BSN: variants seen among roughly 807,000 people sequenced by gnomAD.
BSN encodes the protein bassoon presynaptic cytomatrix protein.
BSN carries 57 observed loss-of-function variants against 264.8 expected under a neutral mutation model. That is an observed-to-expected ratio of 0.22 (90% CI 0.17 to 0.27). The LOEUF (loss-of-function observed/expected upper bound fraction) is 0.27, where lower values mean the gene tolerates loss of function less well. BSN is among the 10% of genes least tolerant of loss of function. The probability of loss-of-function intolerance (pLI) is 1.00; values close to 1 mark genes in which losing one functional copy is unlikely to be tolerated. For synonymous variants in BSN, 2,059 were observed against 2,137.3 expected (o/e 0.96, Z 1.01); for missense variants, 4,615 against 5,232.5 (o/e 0.88, Z 3.64).
downstream of BSN, among the ~76,000 whole-genome samples, chr3:49,672,083 T>A (rs2052784448): frequency 6.8e-6 from 1 of 147,520 alleles, no homozygotes; most frequent in African/African-American, 2.5e-5. Context: ...GCTTCACCTC[T>A]GGCCCTCTCC....
chr3:49,651,591 A>G lies in BSN; in HGVS notation c.2035A>G (p.Ser679Gly). The part of the protein sequence containing the change: ...YSQDASRSPQ[S>G]LSDTGYSSDG... ...TCAGGATGCGTCTCGGAGCCCACAG[A>G]GCCTCAGTGACACAGGCTATTCCTC... The change falls in exon 5 of 12, where the codon AGC (serine) becomes GGC (glycine). Residue 679 changes from serine (S) to glycine (G), a missense_variant. Around this residue, in one of 3 missense-constraint regions of BSN, gnomAD observed 1,197 missense variants for 1,348.0 expected, o/e 0.89. Coordinates refer to ENST00000296452, the MANE Select transcript of BSN (RefSeq NM_003458.4). This position sits in a 1 kb window ranked among gnomAD's most constrained non-coding sequence, Gnocchi z 5.4. 1.2e-6 allele frequency: 2 copies of G among 1,610,394 alleles called. No homozygotes were observed. The highest frequency in any genetic ancestry group is 8.5e-7 in the Non-Finnish European group (1 of 1,177,756).
intron 1 of BSN, among the ~76,000 whole-genome samples, chr3:49,572,741 G>T (rs372160606): frequency 2.6e-5 from 4 of 152,302 alleles, no homozygotes; most frequent in South Asian, 4.1e-4. Flanking sequence ...CACCATGTTA[G>T]CCAGGATGGT....
Position 49,650,929 on chromosome 3 carries a change from C to T in BSN, c.1836C>T (p.Val612=), listed in dbSNP as rs1268055580. The stretch of plus-strand genomic sequence containing the variant: ...GTGTCCAGGAAAAGAAGACCCGAGT[C>T]CCCACTAAAGCTGAGCCCATGCCGA... ...PSSVQEKKTR[V]PTKAEPMPKP... The change falls in exon 4 of 12, where the codon GTC becomes GTT. Residue 612 remains valine (V), a synonymous_variant. Coordinates refer to ENST00000296452, the MANE Select transcript of BSN (RefSeq NM_003458.4). 1 of 1,614,206 alleles carries T rather than the reference C, an allele frequency of 6.2e-7. No individual in the cohort carries two copies. The highest frequency in any genetic ancestry group is 1.1e-5 in the South Asian group (1 of 91,084).
chr3:49,664,346 C>T (rs2052692744), intron 8 of BSN, 77 bp from the exon 9 acceptor site: 2 of 1,590,614 alleles, frequency 1.3e-6, no homozygotes, highest in Non-Finnish European at 1.7e-6. Context: ...TTCAGATTCT[C>T]TCGTGGGTAC....
intron 1 of BSN, among the ~76,000 whole-genome samples, chr3:49,617,518 A>G (rs1253597596): frequency 6.6e-6 from 1 of 151,772 alleles, no homozygotes; most frequent in Non-Finnish European, 1.5e-5. Context: ...AGTGGCCTCA[A>G]GGGGCCTCTC....
downstream of BSN, among the ~76,000 whole-genome samples, chr3:49,673,063 G>A (rs1338544918): frequency 7.1e-6 from 1 of 141,474 alleles, no homozygotes; most frequent in Non-Finnish European, 1.5e-5. Flanking sequence ...ACAGGCGTGA[G>A]CCACCGCGCC....
chr3:49,649,185 AG>A (rs768140965), intron 3 of BSN, among the ~76,000 whole-genome samples: 2 of 152,234 alleles, frequency 1.3e-5, no homozygotes, highest in Non-Finnish European at 2.9e-5. Flanking sequence ...AGGCTGCCAG[AG>A]GCAGCATGTG....
chr3:49,634,955 C>G (rs2052410047), intron 2 of BSN, among the ~76,000 whole-genome samples: 1 of 152,164 alleles, frequency 6.6e-6, no homozygotes, highest in Non-Finnish European at 1.5e-5. Context: ...CGGGTGGGCT[C>G]TGGGAGCCAG....
In BSN at chr3:49,663,821, C is replaced by T. The variant is rs1350460192; in HGVS notation, c.11543C>T (p.Thr3848Ile). ...GAACAGACAAATGGCTCTAAAGGGA[C>T]AGCCAAAGCACCGCAACAGGGGAGG... ...RAEQTNGSKG[T>I]AKAPQQGRAP... The change falls in exon 8 of 12, where the codon ACA becomes ATA. Residue 3848 changes from threonine (T) to isoleucine (I), a missense_variant. By Grantham distance (89) the Thr-to-Ile change is moderately conservative. Around this residue, in one of 3 missense-constraint regions of BSN, gnomAD observed 3,415 missense variants for 3,866.4 expected, o/e 0.88. Coordinates refer to ENST00000296452, the MANE Select transcript of BSN (RefSeq NM_003458.4). 6.2e-7 allele frequency: 1 copy of T among 1,614,148 alleles called. No homozygotes were observed. Among genetic ancestry groups the T allele is most frequent in the Non-Finnish European group, 8.5e-7 (1 of 1,180,032 alleles).
At chr3:49,619,703 G>T (rs942371461) in intron 1 of BSN, among the ~76,000 whole-genome samples, 1 of 152,174 alleles carries the variant, frequency 6.6e-6, no homozygotes, top group East Asian at 1.9e-4. Flanking sequence ...ACGGCTGGGG[G>T]TGTAGCCAAC....
chr3:49,641,017 G>C (rs2052458751), intron 2 of BSN, among the ~76,000 whole-genome samples: 1 of 151,924 alleles, frequency 6.6e-6, no homozygotes, highest in East Asian at 1.9e-4. Flanking sequence ...AAAGAGACCA[G>C]AGAGAGGGGG....
At chr3:49,643,870 G>A (rs1209589503) in intron 3 of BSN, among the ~76,000 whole-genome samples, 1 of 152,238 alleles carries the variant, frequency 6.6e-6, no homozygotes, top group East Asian at 1.9e-4. Flanking sequence ...CTCCAGGGAA[G>A]GGCACTGAGC....
At chr3:49,640,889 G>A (rs1179876246) in intron 2 of BSN, 1 of 152,296 alleles carries the variant, frequency 6.6e-6, no homozygotes, top group Admixed American at 6.5e-5. Context: ...GCTGGGCCAG[G>A]GGGCAGAGGG....
chr3:49,566,428 A>G (rs1433258440), intron 1 of BSN, among the ~76,000 whole-genome samples: 4 of 152,162 alleles, frequency 2.6e-5, no homozygotes. Flanking sequence ...GGTATTGTGT[A>G]CTTCCTATTG....
At chr3:49,568,612 A>C (rs535957738) in intron 1 of BSN, among the ~76,000 whole-genome samples, 10 of 152,310 alleles carry the variant, frequency 6.6e-5, no homozygotes, top group African/African-American at 2.4e-4. Context: ...AATCTTGAAG[A>C]TCACCCTGTA....
In BSN at chr3:49,625,782, C is replaced by T. The variant is rs1317719934; in HGVS notation, c.633+399C>T. ...GGAGGCAAATTTCCCTGATCTAGGC[C>T]AGGAGGCCTCTGTCTTTGACAGCAG... On this transcript the variant is annotated intron_variant, in intron 2 of 11. Coordinates refer to ENST00000296452, the MANE Select transcript of BSN (RefSeq NM_003458.4). The surrounding 1 kb of genome is among the most constrained non-coding windows in gnomAD (Gnocchi z 4.4). Among the ~76,000 whole-genome samples the T allele has an allele frequency of 3.5e-4, 53 of 152,214 alleles. No individual in the cohort carries two copies.
At chr3:49,605,496 T>TA (rs2052114252) in intron 1 of BSN, among the ~76,000 whole-genome samples, 1 of 8,116 alleles carries the variant, frequency 1.2e-4, no homozygotes, top group African/African-American at 4.9e-4. Flanking sequence ...ATATATTATA[T>TA]ATAATATATA....
intron 2 of BSN, among the ~76,000 whole-genome samples, chr3:49,626,443 A>G (rs1286237268): frequency 6.6e-6 from 1 of 152,034 alleles, no homozygotes; most frequent in Non-Finnish European, 1.5e-5. Context: ...TGTGAGAGGT[A>G]AGTGTGAGAT....
In BSN at chr3:49,650,922, C is replaced by A. The variant is rs778833948; in HGVS notation, c.1829C>A (p.Thr610Asn). The A allele has an allele frequency of 1.7e-5, 28 of 1,614,192 alleles. No individual in the cohort carries two copies. The South Asian group carries it at 2.7e-4, about 16-fold the overall frequency. Residue 610 changes from threonine to asparagine, a missense_variant, in exon 4 of 12, where the codon ACC becomes AAC. By Grantham distance (65) the Thr-to-Asn change is moderately conservative (BLOSUM62 0). Coordinates refer to ENST00000296452, the MANE Select transcript of BSN (RefSeq NM_003458.4). Reference sequence around the variant, plus strand: ...CCAAGCAGTGTCCAGGAAAAGAAGACCCGAGTCCCCACTAAAGCTGAGCCC... The same window carrying A: ...CCAAGCAGTGTCCAGGAAAAGAAGAACCGAGTCCCCACTAAAGCTGAGCCC... The part of the protein sequence containing the change: ...KTPSSVQEKK[T>N]RVPTKAEPMP...
Sources: gnomAD v4.1 joint callset for allele counts (sites outside exome capture counted in the v4.1 genomes callset) on GRCh38, gnomAD v4.1.1 for gene constraint, gnomAD v4.1.1 regional missense constraint, Gnocchi (gnomAD v3.1) non-coding constraint, MANE v1.5 for transcripts, NCBI Gene and HGNC (gene_info 2026-07-23, HGNC 2026-07-21) for gene names.